Variants in PCNX1 observed in about 807,000 individuals in gnomAD.
The protein encoded by PCNX1 is pecanex 1, also known as pecanex-like protein 1.
Under a neutral mutation model 242.2 loss-of-function variants are expected in PCNX1, and 78 were observed. The observed-to-expected ratio is 0.32, with a 90% CI of 0.27 to 0.39. The LOEUF (loss-of-function observed/expected upper bound fraction) is 0.39, where lower values mean the gene tolerates loss of function less well. Among genes scored for constraint, PCNX1 ranks in the 10% least tolerant of loss-of-function variants. PCNX1 has a pLI of 1.00. For synonymous variants in PCNX1, 1,024 were observed against 1,032.9 expected (o/e 0.99, Z 0.17); for missense variants, 2,581 against 2,856.5 (o/e 0.90, Z 2.20).
intron 26 of PCNX1, among the ~76,000 whole-genome samples, chr14:71,068,557 T>C (rs2061509688): frequency 6.7e-6 from 1 of 148,736 alleles, no homozygotes; most frequent in Admixed American, 6.8e-5. Flanking sequence ...CTGGACTCTT[T>C]GGTTGGTAGA....
In PCNX1 at chr14:70,991,495, C is replaced by T. The variant is rs143095077; in HGVS notation, c.2444+2796C>T. Among the ~76,000 whole-genome samples the T allele has an allele frequency of 8.7e-3, 1,317 of 152,248 alleles. 27 individuals carry two copies. The highest frequency in any genetic ancestry group is 0.03 in the African/African-American group (1,242 of 41,532). On this transcript the variant is annotated intron_variant, in intron 7 of 35. Transcript: ENST00000304743. ...CCGGGATTACAGGCATGAGCCACTG[C>T]GCCCAGCCCCTACTACTTATTTTTA...
At chr14:71,008,655 CAAAAAAAAAAAAAAAA>C (rs777494885) in intron 8 of PCNX1, among the ~76,000 whole-genome samples, 1 of 32,752 alleles carries the variant, frequency 3.1e-5, no homozygotes, top group Non-Finnish European at 7.7e-5. Context: ...GACTCTGTCT[CAAAAAAAAAAAAAAAA>C]AAAAAAAAAA....
chr14:71,058,830 T>G (rs2061250328), intron 26 of PCNX1, among the ~76,000 whole-genome samples: 1 of 152,218 alleles, frequency 6.6e-6, no homozygotes, highest in Non-Finnish European at 1.5e-5. Context: ...TATTCTCTTT[T>G]CCTTCAAAAT....
chr14:71,104,770 A>T (rs527976295), intron 32 of PCNX1, among the ~76,000 whole-genome samples: 2 of 152,308 alleles, frequency 1.3e-5, no homozygotes, highest in South Asian at 4.1e-4. Flanking sequence ...TCTACTAAAA[A>T]TACAAAATTA....
At chr14:71,001,159 A>G (rs894390451) in intron 8 of PCNX1, among the ~76,000 whole-genome samples, 2 of 105,766 alleles carry the variant, frequency 1.9e-5, no homozygotes, top group African/African-American at 8.9e-5. Context: ...TATTTAATCA[A>G]TTAACCCCAT....
chr14:70,948,805 A>C (rs2057584145), intron 2 of PCNX1, among the ~76,000 whole-genome samples: 1 of 147,714 alleles, frequency 6.8e-6, no homozygotes, highest in East Asian at 2.1e-4. Flanking sequence ...AATGCTTATA[A>C]ATCAGCATTT....
intron 26 of PCNX1, among the ~76,000 whole-genome samples, chr14:71,058,003 G>T (rs186352355): frequency 8.5e-5 from 13 of 152,234 alleles, no homozygotes; most frequent in Non-Finnish European, 1.3e-4. Context: ...TCTGTGCTTG[G>T]TCTCTTGCTG....
intron 1 of PCNX1, among the ~76,000 whole-genome samples, chr14:70,927,996 T>C (rs938804431): frequency 6.6e-6 from 1 of 152,184 alleles, no homozygotes; most frequent in South Asian, 2.1e-4. Flanking sequence ...TTTGTATATA[T>C]TAATATTTCA....
intron 16 of PCNX1, chr14:71,031,851 GACAC>G: frequency 4.8e-6 from 7 of 1,473,642 alleles, no homozygotes; most frequent in Non-Finnish European, 5.7e-6. Context: ...GCTTCAGGTA[GACAC>G]ACTGTTTCAG....
intron 26 of PCNX1, among the ~76,000 whole-genome samples, chr14:71,070,685 C>A (rs1341429692): frequency 2.0e-5 from 3 of 152,150 alleles, no homozygotes; most frequent in African/African-American, 7.2e-5. Context: ...AACAGATGTG[C>A]TGTCATCCAG....
chr14:70,979,964 T>TC (rs1491145970), intron 6 of PCNX1, among the ~76,000 whole-genome samples: 5 of 139,368 alleles, frequency 3.6e-5, no homozygotes, highest in South Asian at 2.4e-4. Flanking sequence ...TAGTTCTCTC[T>TC]TTTTTTTTTT....
chr14:71,063,938 T>A (rs994842708), intron 26 of PCNX1, among the ~76,000 whole-genome samples: 1 of 152,310 alleles, frequency 6.6e-6, no homozygotes, highest in East Asian at 1.9e-4. Context: ...ATTTTCTGAT[T>A]ACACTTTCTT....
chr14:71,026,317 T>TA (rs748043914), intron 14 of PCNX1, 29 bp downstream of exon 14: 2 of 1,348,150 alleles, frequency 1.5e-6, no homozygotes, highest in East Asian at 2.5e-5. Context: ...TCTCTAATCT[T>TA]AAAATTAATT....
intron 7 of PCNX1, among the ~76,000 whole-genome samples, chr14:70,995,279 T>G (rs1227134500): frequency 6.6e-6 from 1 of 152,212 alleles, no homozygotes; most frequent in Non-Finnish European, 1.5e-5. Flanking sequence ...GCATATAAAC[T>G]TGTTTTATTG....
intron 2 of PCNX1, among the ~76,000 whole-genome samples, chr14:70,950,635 G>T (rs909322902): frequency 6.6e-6 from 1 of 151,802 alleles, no homozygotes; most frequent in African/African-American, 2.4e-5. Context: ...GACAACTCTT[G>T]AGTATTTAGT....
intron 28 of PCNX1, among the ~76,000 whole-genome samples, chr14:71,079,447 T>C (rs750635259): frequency 7.2e-5 from 11 of 152,200 alleles, no homozygotes; most frequent in Non-Finnish European, 1.3e-4. Flanking sequence ...TTGAACTAAT[T>C]TACACTCCTA....
chr14:71,009,602 A>G, intron 8 of PCNX1, 32 bp from the exon 9 acceptor site: 1 of 1,309,270 alleles, frequency 7.6e-7, no homozygotes, highest in Non-Finnish European at 1.1e-6. Context: ...GAGTATTCTA[A>G]TGGCTTTTTA....
intron 25 of PCNX1, among the ~76,000 whole-genome samples, chr14:71,056,233 A>G (rs1252269240): frequency 6.6e-6 from 1 of 152,206 alleles, no homozygotes; most frequent in Non-Finnish European, 1.5e-5. Flanking sequence ...TGACTTACAA[A>G]TTCCTTCAAA....
At chr14:70,929,375 A>G (rs1396439115) in intron 1 of PCNX1, among the ~76,000 whole-genome samples, 1 of 150,444 alleles carries the variant, frequency 6.6e-6, no homozygotes, top group South Asian at 2.1e-4. Context: ...AGAAGGAATT[A>G]TATTATCTGA....
Sources: gnomAD v4.1 joint callset for allele counts (sites outside exome capture counted in the v4.1 genomes callset) on GRCh38, gnomAD v4.1.1 for gene constraint, MANE v1.5 for transcripts, NCBI Gene and HGNC (gene_info 2026-07-23, HGNC 2026-07-21) for gene names.